Variants in GNG7 observed in about 807,000 individuals in gnomAD.
The protein encoded by GNG7 is G protein subunit gamma 7.
A neutral mutation model predicts 4.0 loss-of-function variants in GNG7; 1 was observed. That is an observed-to-expected ratio of 0.25 (90% confidence interval 0.09 to 1.18). The LOEUF is 1.18. Ranked by LOEUF, GNG7 falls within the 50% of genes most tolerant of loss-of-function variation. GNG7 has a pLI of 0.50. For synonymous variants in GNG7, 34 were observed against 36.9 expected (o/e 0.92, Z 0.29); for missense variants, 86 against 91.9 (o/e 0.94, Z 0.26).
At chr19:2,674,909 T>C (rs998169470) in intron 1 of GNG7, among the ~76,000 whole-genome samples, 1 of 152,332 alleles carries the variant, frequency 6.6e-6, no homozygotes. Flanking sequence ...ACTGTGCCAT[T>C]GTACGTCACC....
chr19:2,558,723 TTTCTC>T lies in GNG7; in HGVS notation c.-77-3540_-77-3536del, dbSNP rs939233377. ...AACTTTCTTTCCTCTTCTTTCTTTC[TTTCTC>T]TTTTCTTTCTTCCTTCCTTTCCTTC... is the stretch of plus-strand genomic sequence containing the variant. On this transcript the variant is annotated intron_variant, in intron 2 of 4. Coordinates refer to ENST00000382159, the MANE Select transcript of GNG7 (RefSeq NM_052847.3). Among the ~76,000 whole-genome samples the T allele has an allele frequency of 2.5e-3, 380 of 152,188 alleles. 4 individuals carry two copies. The highest frequency in any genetic ancestry group is 8.2e-3 in the African/African-American group (342 of 41,534).
At chr19:2,572,048 G>T (rs930750110) in intron 2 of GNG7, among the ~76,000 whole-genome samples, 4 of 152,064 alleles carry the variant, frequency 2.6e-5, no homozygotes, top group Admixed American at 2.0e-4. Flanking sequence ...TTGAGATGGG[G>T]TCTCACTGTG....
intron 1 of GNG7, among the ~76,000 whole-genome samples, chr19:2,655,082 C>T (rs991605354): frequency 2.0e-5 from 3 of 151,420 alleles, no homozygotes; most frequent in African/African-American, 7.3e-5. Flanking sequence ...CCCAGTTACT[C>T]AGGAGGCTGA....
In GNG7 at chr19:2,559,962, G is replaced by T. The variant is rs138523938; in HGVS notation, c.-77-4774C>A. On this transcript the variant is annotated intron_variant, in intron 2 of 4. Coordinates refer to ENST00000382159, the MANE Select transcript of GNG7 (RefSeq NM_052847.3). ...GAAGGGGCCTCAGCACGATGCCTGG[G>T]GCCACTGCAAACAGCAAAATCACCA... Among the ~76,000 whole-genome samples, 5 of 152,136 alleles carry T rather than the reference G, an allele frequency of 3.3e-5. No individual in the cohort carries two copies. In the East Asian group the frequency reaches 9.7e-4, roughly 29 times the overall value.
Position 2,634,144 on chromosome 19 carries a change from G to T in GNG7, c.-78+12080C>A, listed in dbSNP as rs1982244634. Among the ~76,000 whole-genome samples, 1 of 152,158 alleles carries T rather than the reference G, an allele frequency of 6.6e-6. No homozygotes were observed. The highest frequency in any genetic ancestry group is 1.5e-5 in the Non-Finnish European group (1 of 68,014). On this transcript the variant is annotated intron_variant, in intron 2 of 4. Coordinates refer to ENST00000382159, the MANE Select transcript of GNG7 (RefSeq NM_052847.3). The surrounding 1 kb of genome is among the most constrained non-coding windows in gnomAD (Gnocchi z 5.3). The stretch of plus-strand genomic sequence containing the variant: ...CCTGGTTTACACCGTCTGCCCCACT[G>T]GGCGTTTATGGTGCCTATCATGAGC...
intron 1 of GNG7, among the ~76,000 whole-genome samples, chr19:2,659,418 C>T (rs1171064765): frequency 1.3e-5 from 2 of 150,326 alleles, no homozygotes; most frequent in African/African-American, 2.4e-5. Flanking sequence ...GGCAAAACTC[C>T]ATCTCTACTA....
intron 2 of GNG7, among the ~76,000 whole-genome samples, chr19:2,607,444 G>C (rs1981421210): frequency 6.8e-6 from 1 of 146,228 alleles, no homozygotes; most frequent in African/African-American, 2.5e-5. Context: ...CAGGAGAATT[G>C]CTTGAACCTG....
intron 2 of GNG7, among the ~76,000 whole-genome samples, chr19:2,581,408 A>G (rs1482967459): frequency 1.3e-5 from 2 of 151,876 alleles, no homozygotes; most frequent in Non-Finnish European, 2.9e-5. Flanking sequence ...CAAATTGCCC[A>G]GGAGGGGTCA....
intron 1 of GNG7, among the ~76,000 whole-genome samples, chr19:2,689,640 A>C (rs1191622698): frequency 1.3e-5 from 2 of 151,310 alleles, no homozygotes; most frequent in Non-Finnish European, 2.9e-5. Flanking sequence ...AAAAAAAAAA[A>C]AAAAAAAAAC....
intron 3 of GNG7, among the ~76,000 whole-genome samples, chr19:2,532,082 C>A (rs1344468381): frequency 6.8e-6 from 1 of 146,226 alleles, no homozygotes; most frequent in Non-Finnish European, 1.5e-5. Flanking sequence ...ACCCGGGAGG[C>A]GGAGCTTGCA....
chr19:2,628,311 C>T (rs73528632), intron 2 of GNG7, among the ~76,000 whole-genome samples: 2 of 151,942 alleles, frequency 1.3e-5, no homozygotes, highest in East Asian at 1.9e-4. Context: ...GTTTGGTTAT[C>T]GGCAGAATTC....
chr19:2,646,684 CA>C lies in GNG7; in HGVS notation c.-134-405del, dbSNP rs71964998. On this transcript the variant is annotated intron_variant, in intron 1 of 4. Coordinates refer to ENST00000382159, the MANE Select transcript of GNG7 (RefSeq NM_052847.3). ...TGGGCAACAGGGCAAGACTCTGCTT[CA>C]AAAAAAAAAATAATAGAAAAGGAAA... Among the ~76,000 whole-genome samples, 30 of 143,866 alleles carry C rather than the reference CA, an allele frequency of 2.1e-4. 1 individual carries two copies. The highest frequency in any genetic ancestry group is 9.8e-4 in the Admixed American group (14 of 14,348). The allele number at this position is 143,866 out of a possible 152,430, so 94.4% of individuals were successfully genotyped here.
chr19:2,530,806 G>A (rs1045768108), intron 3 of GNG7, among the ~76,000 whole-genome samples: 2 of 152,198 alleles, frequency 1.3e-5, no homozygotes, highest in African/African-American at 4.8e-5. Context: ...TTTCCAGCCA[G>A]GATTTAGGGG....
intron 3 of GNG7, among the ~76,000 whole-genome samples, chr19:2,548,805 A>AAAAC (rs58406508): frequency 8.1e-5 from 12 of 148,768 alleles, no homozygotes; most frequent in Non-Finnish European, 1.5e-4. Context: ...AAAACACAAC[A>AAAAC]AAACAAACAA....
At chr19:2,612,252 G>A (rs936484789) in intron 2 of GNG7, among the ~76,000 whole-genome samples, 1 of 152,060 alleles carries the variant, frequency 6.6e-6, no homozygotes, top group African/African-American at 2.4e-5. Flanking sequence ...CTGGGGTGGG[G>A]CCATCCTGGG....
intron 1 of GNG7, among the ~76,000 whole-genome samples, chr19:2,660,106 C>G (rs758581116): frequency 1.2e-4 from 18 of 152,118 alleles, no homozygotes; most frequent in African/African-American, 3.9e-4. Flanking sequence ...TAGCCTCTGT[C>G]GGATTACTCA....
intron 2 of GNG7, among the ~76,000 whole-genome samples, chr19:2,558,755 CTTTCTTTCTTT>C (rs1361541985): frequency 6.6e-6 from 1 of 151,240 alleles, no homozygotes; most frequent in Non-Finnish European, 1.5e-5. Context: ...CTTTCCTTCT[CTTTCTTTCTTT>C]TTTCTTTCTT....
At chr19:2,621,167 CA>C (rs1981858042) in intron 2 of GNG7, among the ~76,000 whole-genome samples, 2 of 152,242 alleles carry the variant, frequency 1.3e-5, no homozygotes, top group Non-Finnish European at 2.9e-5. Context: ...GACGTCCCTT[CA>C]AAATTCTTGT....
At chr19:2,644,664 TC>T (rs1982618444) in intron 2 of GNG7, among the ~76,000 whole-genome samples, 1 of 151,930 alleles carries the variant, frequency 6.6e-6, no homozygotes, top group Non-Finnish European at 1.5e-5. Flanking sequence ...ACGCATCCCC[TC>T]CCTGCCTCTG....
Sources: gnomAD v4.1 joint callset for allele counts (sites outside exome capture counted in the v4.1 genomes callset) on GRCh38, gnomAD v4.1.1 for gene constraint, Gnocchi (gnomAD v3.1) non-coding constraint, MANE v1.5 for transcripts, NCBI Gene and HGNC (gene_info 2026-07-23, HGNC 2026-07-21) for gene names.